The following KCNAB1 variants were observed in gnomAD, a reference collection of about 807,000 sequenced individuals.
KCNAB1 encodes voltage-gated potassium channel subunit beta-1.
In KCNAB1, 35 loss-of-function variants were observed where a neutral mutation model predicts 64.6. The ratio of observed to expected loss-of-function variants is 0.54; its 90% confidence interval spans 0.41 to 0.72. KCNAB1 has a LOEUF of 0.72. Ranked by LOEUF, KCNAB1 falls within the 30% of genes least tolerant of loss-of-function variation. The pLI, the probability that KCNAB1 is intolerant of heterozygous loss-of-function variation, is 0.00. For missense variants in KCNAB1, 401 were observed against 512.9 expected (o/e 0.78, Z 2.11); for synonymous variants, 177 against 183.8 (o/e 0.96, Z 0.30).
At chr3:156,299,259 A>G (rs773746736) in intron 1 of KCNAB1, among the ~76,000 whole-genome samples, 2 of 152,258 alleles carry the variant, frequency 1.3e-5, no homozygotes, top group African/African-American at 2.4e-5. Context: ...CCTTCTCTAC[A>G]TAGGCAGAAT....
At chr3:156,453,126 A>G in intron 3 of KCNAB1, 190 bp downstream of exon 3, 1 of 460,058 alleles carries the variant, frequency 2.2e-6, no homozygotes, top group Non-Finnish European at 3.9e-6. Context: ...TAGACTATTA[A>G]TAGCCCTTGA....
intron 1 of KCNAB1, among the ~76,000 whole-genome samples, chr3:156,168,482 A>C (rs1010586946): frequency 1.3e-5 from 2 of 152,218 alleles, no homozygotes; most frequent in Admixed American, 1.3e-4. Flanking sequence ...AGTCTCTAAT[A>C]CATGGTGATT....
intron 1 of KCNAB1, among the ~76,000 whole-genome samples, chr3:156,336,699 T>A (rs1723738781): frequency 6.6e-6 from 1 of 152,194 alleles, no homozygotes; most frequent in African/African-American, 2.4e-5. Context: ...GTTCTTTCTT[T>A]TGAACAAGTG....
chr3:156,177,520 G>A (rs962939853), intron 1 of KCNAB1, among the ~76,000 whole-genome samples: 2 of 151,948 alleles, frequency 1.3e-5, no homozygotes, highest in African/African-American at 4.8e-5. Flanking sequence ...GGGACTACAA[G>A]CGCCCGCCAC....
chr3:156,261,296 G>A lies in KCNAB1; in HGVS notation c.275+140410G>A, dbSNP rs570658405. 1.5e-4 allele frequency among the ~76,000 whole-genome samples: 23 copies of A among 151,552 alleles called. 1 individual carries two copies. The South Asian group carries it at 3.1e-3, about 21-fold the overall frequency. On this transcript the variant is annotated intron_variant, in intron 1 of 13. Coordinates refer to ENST00000490337, the MANE Select transcript of KCNAB1 (RefSeq NM_172160.3). ...TTCTTTTATATATTTTCTTTTATTG[G>A]TGTCATAGCTTTGCCAAAGCCAAGA...
chr3:156,268,768 T>C (rs1357578337), intron 1 of KCNAB1, among the ~76,000 whole-genome samples: 20 of 152,222 alleles, frequency 1.3e-4, no homozygotes, highest in Non-Finnish European at 7.4e-5. Flanking sequence ...GTTATTAATC[T>C]GTTGTCAGAT....
At chr3:156,276,997 T>C (rs947236284) in intron 1 of KCNAB1, among the ~76,000 whole-genome samples, 2 of 152,190 alleles carry the variant, frequency 1.3e-5, no homozygotes, top group African/African-American at 4.8e-5. Context: ...CATGCCTTCT[T>C]CACTAAGCTT....
At position 156,537,019 on chromosome 3, in the gene KCNAB1, A is replaced by C. The variant is rs1334774712; in HGVS notation, c.*272A>C. On this transcript the variant is annotated 3_prime_UTR_variant, in exon 14 of 14. Coordinates refer to ENST00000490337, the MANE Select transcript of KCNAB1 (RefSeq NM_172160.3). ...ACCTCATGCTTATGCAATGGGAAGA[A>C]TATGGGGGCCAGGGGGTGTGGTACT... is the stretch of plus-strand genomic sequence containing the variant. 2.3e-5 allele frequency: 11 copies of C among 476,076 alleles called. No homozygotes were observed. The highest frequency in any genetic ancestry group is 3.7e-5 in the Non-Finnish European group (10 of 271,754). 29.5% of individuals were successfully genotyped at this position (476,076 alleles called of 1,614,324 possible).
intron 1 of KCNAB1, among the ~76,000 whole-genome samples, chr3:156,194,359 G>A (rs185363283): frequency 6.6e-6 from 1 of 151,968 alleles, no homozygotes; most frequent in East Asian, 1.9e-4. Context: ...ACTTAATATA[G>A]AATTACAGAT....
At chr3:156,202,573 T>G (rs1374872736) in intron 1 of KCNAB1, among the ~76,000 whole-genome samples, 1 of 151,812 alleles carries the variant, frequency 6.6e-6, no homozygotes, top group Non-Finnish European at 1.5e-5. Flanking sequence ...TTTCAGTTCT[T>G]TCTTAGAATT....
chr3:156,212,927 A>G (rs979403202), intron 1 of KCNAB1, among the ~76,000 whole-genome samples: 38 of 152,308 alleles, frequency 2.5e-4, no homozygotes, highest in South Asian at 4.1e-4. Context: ...GACTGTGTCA[A>G]CAGAGTAAGT....
intron 1 of KCNAB1, among the ~76,000 whole-genome samples, chr3:156,415,373 A>G (rs1176201147): frequency 1.3e-5 from 2 of 152,206 alleles, no homozygotes; most frequent in African/African-American, 4.8e-5. Flanking sequence ...CCATTTATGA[A>G]TGAGGAAAGA....
chr3:156,420,339 G>A lies in KCNAB1; in HGVS notation c.276-1277G>A, dbSNP rs756160437. 9.8e-5 allele frequency among the ~76,000 whole-genome samples: 15 copies of A among 152,296 alleles called. No individual in the cohort carries two copies. In the East Asian group the frequency reaches 2.1e-3, roughly 22 times the overall value. ...AGGTCACCCAACTAGTTGTGACAAC[G>A]GGTCAAAAGCCCGGGTCTTTCAACT... On this transcript the variant is annotated intron_variant, in intron 1 of 13. Coordinates refer to ENST00000490337, the MANE Select transcript of KCNAB1 (RefSeq NM_172160.3).
intron 1 of KCNAB1, among the ~76,000 whole-genome samples, chr3:156,360,909 G>A (rs1342265462): frequency 6.6e-6 from 1 of 151,968 alleles, no homozygotes; most frequent in Non-Finnish European, 1.5e-5. Flanking sequence ...CTCTCGCCTG[G>A]GTTACTGCCA....
At chr3:156,372,414 G>T (rs980609443) in intron 1 of KCNAB1, among the ~76,000 whole-genome samples, 7 of 152,212 alleles carry the variant, frequency 4.6e-5, no homozygotes, top group African/African-American at 1.4e-4. Context: ...TCAAATTTAA[G>T]CCTGCATCAG....
intron 1 of KCNAB1, among the ~76,000 whole-genome samples, chr3:156,297,698 A>G (rs1720890585): frequency 6.6e-6 from 1 of 152,158 alleles, no homozygotes; most frequent in Admixed American, 6.5e-5. Context: ...TAGTTTTTGA[A>G]TTAAAACAAT....
intron 1 of KCNAB1, among the ~76,000 whole-genome samples, chr3:156,161,375 A>G (rs1215696711): frequency 1.3e-5 from 2 of 152,220 alleles, no homozygotes; most frequent in African/African-American, 2.4e-5. Context: ...TTGTTTCACA[A>G]TGGTTTTAAT....
At chr3:156,138,398 C>A (rs1714497603) in intron 1 of KCNAB1, among the ~76,000 whole-genome samples, 1 of 152,164 alleles carries the variant, frequency 6.6e-6, no homozygotes, top group African/African-American at 2.4e-5. Context: ...ACTTCCCCAC[C>A]CCGGCAGTGA....
chr3:156,176,494 A>T (rs950626265), intron 1 of KCNAB1: 10 of 792,414 alleles, frequency 1.3e-5, no homozygotes, highest in Admixed American at 3.4e-5. Context: ...TGCCCGTTTC[A>T]CTATCCCACA....
Sources: allele counts gnomAD v4.1 joint callset (sites outside exome capture counted in the v4.1 genomes callset), GRCh38; gene constraint gnomAD v4.1.1; transcripts MANE v1.5; gene names NCBI Gene and HGNC (gene_info 2026-07-23, HGNC 2026-07-21).